F8: variants seen among roughly 807,000 people sequenced by gnomAD.
F8 encodes antihemophilic factor.
F8 carries 12 observed loss-of-function variants against 140.6 expected under a neutral mutation model. The observed-to-expected ratio is 0.09, with a 90% CI of 0.05 to 0.14. The LOEUF (loss-of-function observed/expected upper bound fraction) is 0.14. F8 is among the 10% of genes least tolerant of loss of function. The probability of loss-of-function intolerance (pLI) is 1.00; values close to 1 mark genes in which losing one functional copy is unlikely to be tolerated. For synonymous variants in F8, 585 were observed against 614.6 expected (o/e 0.95, Z 0.71); for missense variants, 1,354 against 1,720.7 (o/e 0.79, Z 3.77).
chrX:154,997,618 C>T (rs782814649), intron 2 of F8, among the ~76,000 whole-genome samples: 4 of 111,311 alleles, frequency 3.6e-5, no homozygotes, highest in African/African-American at 1.3e-4. Context: ...ACAGATAAAA[C>T]AAATGCAAAC....
rs1472169963 is a variant in F8 at position 154,861,819 on chromosome X, G to C, written c.6622C>G (p.Gln2208Glu). The C allele has an allele frequency of 4.1e-6, 5 of 1,208,731 alleles. No individual in the cohort carries two copies. Among genetic ancestry groups the C allele is most frequent in the Admixed American group, 4.4e-5 (2 of 45,728 alleles). ...GMESKAISDA[Q>E]ITASSYFTNM... ...GTAAAGTAGGATGAAGCAGTAATCT[G>C]TGCATCTGATATTGCTTTACTCTCC... The change falls in exon 24 of 26, where the codon CAG becomes GAG. Residue 2208 changes from glutamine to glutamate, a missense_variant. Transcript: ENST00000360256.
intron 22 of F8, among the ~76,000 whole-genome samples, chrX:154,881,613 G>A (rs1399039113): frequency 9.1e-6 from 1 of 109,627 alleles, no homozygotes; most frequent in Non-Finnish European, 1.9e-5. Flanking sequence ...GGGGCTCATG[G>A]TCATCTTAAT....
chrX:154,950,099 T>C (rs9322845), intron 12 of F8, among the ~76,000 whole-genome samples: 1,137 of 111,973 alleles, frequency 0.01, 16 homozygotes, highest in African/African-American at 0.035. Context: ...ACTAGTCATA[T>C]TGGATTAGGG....
rs2072476461 is a variant in F8, at chrX:154,836,484, T to G, written c.*1113A>C. On this transcript the variant is annotated 3_prime_UTR_variant, in exon 26 of 26. Coordinates refer to ENST00000360256, the MANE Select transcript of F8 (RefSeq NM_000132.4). ...TCTGTTTTCACCAGTCCAATTTTCT[T>G]CTGACCTCCTTGATATTTCAACTAT... 9.0e-6 allele frequency: 1 copy of G among 111,710 alleles called. No individual in the cohort carries two copies. The highest frequency in any genetic ancestry group is 2.8e-4 in the East Asian group (1 of 3,593). The allele number at this position is 111,710 out of a possible 1,213,427, so 9.2% of individuals were successfully genotyped here.
chrX:154,985,153 G>A (rs969398865), intron 5 of F8, among the ~76,000 whole-genome samples: 5 of 111,465 alleles, frequency 4.5e-5, no homozygotes, highest in Admixed American at 9.5e-5. Context: ...ATCATCCTAG[G>A]GGCCGGGCGC....
rs782509323 is a variant in F8, at chrX:154,904,413, T to A, written c.5698A>T (p.Thr1900Ser). Residue 1900 changes from threonine to serine, a missense_variant, in exon 17 of 26, where the codon ACC becomes TCC. Transcript: ENST00000360256. The stretch of plus-strand genomic sequence containing the variant: ...CAGCTTTTGGTCTCATCAAAGATGG[T>A]GAAAAACAGAGCAAATTCCTGTACT... The part of the protein sequence containing the change: ...VTVQEFALFF[T>S]IFDETKSWYF... The A allele has an allele frequency of 9.1e-6, 11 of 1,209,975 alleles. No homozygotes were observed. The highest frequency in any genetic ancestry group is 1.2e-5 in the Non-Finnish European group (11 of 894,949).
intron 10 of F8, 134 bp from the exon 11 acceptor site, chrX:154,957,305 C>T (rs1376378617): frequency 5.3e-5 from 28 of 523,916 alleles, no homozygotes; most frequent in Non-Finnish European, 7.5e-5. Flanking sequence ...AAGCTAAAGT[C>T]GCACCTATTA....
intron 12 of F8, among the ~76,000 whole-genome samples, chrX:154,951,486 T>C (rs1197069845): frequency 8.9e-6 from 1 of 111,948 alleles, no homozygotes; most frequent in Non-Finnish European, 1.9e-5. Flanking sequence ...GTAAATAATA[T>C]AATACTGTAT....
chrX:154,951,946 T>C (rs1441677225), intron 12 of F8, among the ~76,000 whole-genome samples: 1 of 112,315 alleles, frequency 8.9e-6, no homozygotes, highest in African/African-American at 3.2e-5. Context: ...TATGTCACTA[T>C]ATCTCTCTAG....
intron 13 of F8, among the ~76,000 whole-genome samples, chrX:154,946,465 G>A (rs782566147): frequency 3.6e-5 from 4 of 112,242 alleles, no homozygotes; most frequent in South Asian, 3.7e-4. Flanking sequence ...CCAAGAACAC[G>A]CACTGGTGAA....
At chrX:154,998,129 T>A (rs1351718818) in intron 2 of F8, among the ~76,000 whole-genome samples, 1 of 112,751 alleles carries the variant, frequency 8.9e-6, no homozygotes, top group Non-Finnish European at 1.9e-5. Flanking sequence ...CCAAATCTTT[T>A]CCAGTAACCT....
intron 12 of F8, among the ~76,000 whole-genome samples, chrX:154,950,061 G>C (rs1557280627): frequency 9.0e-6 from 1 of 111,561 alleles, no homozygotes. Flanking sequence ...CACTGTGCCT[G>C]GCCCACATTT....
Position 154,999,579 on chromosome X carries a change from T to C in F8, c.165A>G (p.Lys55=). The C allele has an allele frequency of 1.7e-6, 2 of 1,206,694 alleles. No homozygotes were observed. The highest frequency in any genetic ancestry group is 2.2e-6 in the Non-Finnish European group (2 of 892,117). Reference sequence around the variant, plus strand: ...CGACTGAGGTGTTGAATGGAAAAGATTTTGGCACTCTAGGAGGAAATCTGC... The same window carrying C: ...CGACTGAGGTGTTGAATGGAAAAGACTTTGGCACTCTAGGAGGAAATCTGC... The part of the protein sequence containing the change: ...VDARFPPRVP[K]SFPFNTSVVY... The change falls in exon 2 of 26, where the codon AAA becomes AAG. Residue 55 remains lysine, a synonymous_variant. Transcript: ENST00000360256.
intron 6 of F8, among the ~76,000 whole-genome samples, chrX:154,983,663 A>G (rs1002761458): frequency 2.7e-5 from 3 of 112,247 alleles, no homozygotes; most frequent in African/African-American, 9.7e-5. Flanking sequence ...GCCTGTCCCA[A>G]GTGGGTGAGG....
At chrX:154,903,283 C>T (rs782115293) in intron 18 of F8, among the ~76,000 whole-genome samples, 60 of 110,741 alleles carry the variant, frequency 5.4e-4, no homozygotes, top group Middle Eastern at 4.7e-3. Context: ...TCAAGCAATC[C>T]TTCCACTTCA....
chrX:154,935,189 A>C (rs2073217154), intron 13 of F8, among the ~76,000 whole-genome samples: 1 of 111,181 alleles, frequency 9.0e-6, no homozygotes, highest in Non-Finnish European at 1.9e-5. Flanking sequence ...AACAAAAACG[A>C]ATAAAAGAAG....
chrX:154,946,699 G>A (rs1211303405), intron 13 of F8, among the ~76,000 whole-genome samples: 1 of 111,283 alleles, frequency 9.0e-6, no homozygotes, highest in Non-Finnish European at 1.9e-5. Context: ...AAAGCACAGG[G>A]GACTAAAGCA....
At chrX:155,020,560 T>A (rs5987080) in intron 1 of F8, among the ~76,000 whole-genome samples, 242 of 109,740 alleles carry the variant, frequency 2.2e-3, no homozygotes, top group African/African-American at 8.2e-3. Flanking sequence ...TATAAGAAAG[T>A]CAACAGACAA....
intron 1 of F8, among the ~76,000 whole-genome samples, chrX:155,001,017 C>A (rs782217205): frequency 2.7e-4 from 30 of 111,442 alleles, no homozygotes; most frequent in African/African-American, 7.5e-4. Flanking sequence ...CTCAGATTAC[C>A]AGGATGTGGA....
Sources: allele counts gnomAD v4.1 joint callset (sites outside exome capture counted in the v4.1 genomes callset), GRCh38; gene constraint gnomAD v4.1.1; transcripts MANE v1.5; gene names NCBI Gene and HGNC (gene_info 2026-07-23, HGNC 2026-07-21).